Variants in LRRFIP1 observed in about 807,000 individuals in gnomAD.
LRRFIP1 encodes the protein LRR binding FLII interacting protein 1, also known as leucine-rich repeat flightless-interacting protein 1.
LRRFIP1 carries 62 observed loss-of-function variants against 104.4 expected under a neutral mutation model. The ratio of observed to expected loss-of-function variants is 0.59; its 90% CI spans 0.48 to 0.73. The LOEUF (loss-of-function observed/expected upper bound fraction) is 0.73. Among genes scored for constraint, LRRFIP1 ranks in the 30% least tolerant of loss-of-function variants. LRRFIP1 has a pLI of 0.00. For missense variants in LRRFIP1, 796 were observed against 824.5 expected, an observed-to-expected ratio of 0.97 and a Z score of 0.42; for synonymous variants, 300 against 299.0, an observed-to-expected ratio of 1.00 and a Z score of -0.03.
intron 2 of LRRFIP1, 45 bp downstream of exon 2, chr2:237,708,675 G>C (rs540806655): frequency 1.9e-6 from 3 of 1,555,170 alleles, no homozygotes; most frequent in Non-Finnish European, 2.6e-6. Context: ...AGTGATTTGC[G>C]TGCTGGGCCC....
intron 1 of LRRFIP1, among the ~76,000 whole-genome samples, chr2:237,667,761 T>G (rs2089672464): frequency 6.6e-6 from 1 of 152,140 alleles, no homozygotes; most frequent in South Asian, 2.1e-4. Flanking sequence ...GATCCTGACG[T>G]GAAATGGCCT....
At chr2:237,704,285 T>G (rs2093695555) in intron 1 of LRRFIP1, among the ~76,000 whole-genome samples, 1 of 151,956 alleles carries the variant, frequency 6.6e-6, no homozygotes, top group African/African-American at 2.4e-5. Flanking sequence ...CCCGAGTAGC[T>G]GGGATTACAG....
chr2:237,763,936 C>T lies in LRRFIP1; in HGVS notation c.1459+3731C>T, dbSNP rs536325665. On this transcript the variant is annotated intron_variant, in intron 19 of 23. Transcript: ENST00000308482. Reference sequence around the variant, plus strand: ...GTCCCTCACAGGACATTAGTGATGCCTGTGAAGCAGAAAGTACAGAGAGGT... The same window carrying T: ...GTCCCTCACAGGACATTAGTGATGCTTGTGAAGCAGAAAGTACAGAGAGGT... 4.3e-6 allele frequency: 7 copies of T among 1,614,216 alleles called. No individual in the cohort carries two copies. In the South Asian group the frequency reaches 7.7e-5, roughly 18 times the overall value.
chr2:237,681,697 T>TTTTTTTTTTTTTTTTA (rs1161155692), intron 1 of LRRFIP1, among the ~76,000 whole-genome samples: 3 of 107,928 alleles, frequency 2.8e-5, no homozygotes, highest in Non-Finnish European at 2.0e-5. Flanking sequence ...TTTTTTTTTT[T>TTTTTTTTTTTTTTTTA]GAGACGGAGT....
intron 23 of LRRFIP1, 81 bp downstream of exon 23, chr2:237,774,543 C>T (rs2060920703): frequency 2.3e-6 from 2 of 872,838 alleles, no homozygotes; most frequent in African/African-American, 3.4e-5. Flanking sequence ...GGATTTACTA[C>T]TGTGACATCT....
chr2:237,772,222 A>T, intron 21 of LRRFIP1, 24 bp downstream of exon 21: 2 of 1,563,766 alleles, frequency 1.3e-6, no homozygotes, highest in Non-Finnish European at 1.8e-6. Context: ...CTTGTGTAGA[A>T]GTAAATGCTT....
At chr2:237,696,264 C>A (rs2093178186) in intron 1 of LRRFIP1, among the ~76,000 whole-genome samples, 1 of 152,102 alleles carries the variant, frequency 6.6e-6, no homozygotes, top group Non-Finnish European at 1.5e-5. Context: ...ATCCTTCTGT[C>A]TTTTTTACTG....
chr2:237,711,671 C>T lies in LRRFIP1; in HGVS notation c.184-2588C>T, dbSNP rs978766924. On this transcript the variant is annotated intron_variant, in intron 2 of 23. Coordinates refer to ENST00000308482, the MANE Select transcript of LRRFIP1 (RefSeq NM_001137550.2). This position sits in a 1 kb window ranked among gnomAD's most constrained non-coding sequence, Gnocchi z 4.4. ...GGTCACGGACCAGGAGCCAGAGCCA[C>T]CCAAATTTACCAGGTTGTGGAATGA... Among the ~76,000 whole-genome samples the T allele has an allele frequency of 1.5e-4, 23 of 152,122 alleles. No homozygotes were observed. Among genetic ancestry groups the T allele is most frequent in the African/African-American group, 4.6e-4 (19 of 41,416 alleles).
chr2:237,759,916 G>A (rs149989541), intron 18 of LRRFIP1, 148 bp from the exon 19 acceptor site: 190 of 633,180 alleles, frequency 3.0e-4, no homozygotes, highest in Admixed American at 9.7e-4. Context: ...GAATATTTAC[G>A]AGTGCTGCAC....
At position 237,735,487 on chromosome 2, in the gene LRRFIP1, G is replaced by A; in HGVS notation, c.555+154G>A. 2 of 637,232 alleles carry A rather than the reference G, an allele frequency of 3.1e-6. No homozygotes were observed. Among genetic ancestry groups the A allele is most frequent in the South Asian group, 4.1e-5 (2 of 49,266 alleles). 39.5% of individuals were successfully genotyped at this position (637,232 alleles called of 1,614,324 possible). A position where few individuals can be genotyped will look rare whatever the true frequency, so the allele number is the denominator to read the frequency against. On this transcript the variant is annotated intron_variant, in intron 10 of 23. Transcript: ENST00000308482. The surrounding 1 kb of genome is among the most constrained non-coding windows in gnomAD (Gnocchi z 4.6). ...AACCGCCACCTTCCATTGTAATGAA[G>A]GTCACAAATAATGTGAATCAGGAAA...
intron 8 of LRRFIP1, among the ~76,000 whole-genome samples, chr2:237,731,747 G>C (rs946433011): frequency 4.6e-5 from 7 of 152,190 alleles, no homozygotes; most frequent in African/African-American, 1.2e-4. Context: ...AGTTCAGCCT[G>C]CATCTGACTC....
rs2061364262 is a variant in LRRFIP1, at chr2:237,779,433, A to G, written c.1824A>G (p.Ala608=). 6.2e-7 allele frequency: 1 copy of G among 1,613,452 alleles called. No homozygotes were observed. ...KRKLQRELRS[A]LDKTEELEVS... ...TCCTCCGTTCCCAGCTCCGCTCTGC[A>G]TTGGATAAAACAGAAGAGCTCGAGG... The change falls in exon 24 of 24, where the codon GCA becomes GCG. Residue 608 remains alanine (A), a synonymous_variant. Transcript: ENST00000308482.
At position 237,779,785 on chromosome 2, in the gene LRRFIP1, A is replaced by C; in HGVS notation, c.*253A>C. On this transcript the variant is annotated 3_prime_UTR_variant, in exon 24 of 24. Coordinates refer to ENST00000308482, the MANE Select transcript of LRRFIP1 (RefSeq NM_001137550.2). The stretch of plus-strand genomic sequence containing the variant: ...GAACCTGCAGGTACTTCATAAGCAC[A>C]CAGGGGCCTCGAGGGAGCTCTGTGT... The C allele has an allele frequency of 2.9e-6, 1 of 339,256 alleles. No homozygotes were observed. Among genetic ancestry groups the C allele is most frequent in the Non-Finnish European group, 5.6e-6 (1 of 177,852 alleles). The allele number at this position is 339,256 out of a possible 1,614,324, so 21.0% of individuals were successfully genotyped here.
intron 3 of LRRFIP1, among the ~76,000 whole-genome samples, 190 bp downstream of exon 3, chr2:237,714,466 ACAGT>A (rs961114959): frequency 2.6e-5 from 4 of 152,240 alleles, no homozygotes; most frequent in Admixed American, 2.6e-4. Context: ...ACTCAAAGCA[ACAGT>A]CAGACACATT....
intron 1 of LRRFIP1, among the ~76,000 whole-genome samples, chr2:237,673,300 G>A (rs1393919901): frequency 6.6e-6 from 1 of 152,258 alleles, no homozygotes; most frequent in Non-Finnish European, 1.5e-5. Flanking sequence ...CGCTGGGAGG[G>A]CCCGCAGGCA....
Position 237,719,585 on chromosome 2 carries a change from T to G in LRRFIP1, c.294+18T>G, listed in dbSNP as rs957181057. The G allele has an allele frequency of 6.2e-7, 1 of 1,600,892 alleles. No individual in the cohort carries two copies. The highest frequency in any genetic ancestry group is 8.5e-7 in the Non-Finnish European group (1 of 1,169,694). Reference sequence around the variant, plus strand: ...ACACATCGGTTAGTACCGTGTTCATTCATTACTTGGGCAATTTGATTGAAT... The same window carrying G: ...ACACATCGGTTAGTACCGTGTTCATGCATTACTTGGGCAATTTGATTGAAT... On this transcript the variant is annotated intron_variant, in intron 5 of 23. Coordinates refer to ENST00000308482, the MANE Select transcript of LRRFIP1 (RefSeq NM_001137550.2).
intron 1 of LRRFIP1, among the ~76,000 whole-genome samples, chr2:237,699,574 A>G (rs975564289): frequency 6.6e-6 from 1 of 151,266 alleles, no homozygotes; most frequent in Non-Finnish European, 1.5e-5. Flanking sequence ...CTGGTCTTGA[A>G]CTCCTGACCT....
In LRRFIP1 at chr2:237,780,357, T is replaced by G. The variant is rs2061406390; in HGVS notation, c.*825T>G. The G allele has an allele frequency of 6.6e-6, 1 of 152,216 alleles. No homozygotes were observed. Among genetic ancestry groups the G allele is most frequent in the Admixed American group, 6.5e-5 (1 of 15,286 alleles). The allele number at this position is 152,216 out of a possible 1,614,324, so 9.4% of individuals were successfully genotyped here. On this transcript the variant is annotated 3_prime_UTR_variant, in exon 24 of 24. Transcript: ENST00000308482. ...TTTTTTCCACTGAGAAAGAAGATCT[T>G]TAATTTCATATTAATGGTTCTGTAT... is the stretch of plus-strand genomic sequence containing the variant.
At chr2:237,713,886 TTAAG>T (rs1430091733) in intron 2 of LRRFIP1, among the ~76,000 whole-genome samples, 1 of 152,258 alleles carries the variant, frequency 6.6e-6, no homozygotes, top group East Asian at 1.9e-4. Context: ...AACTTTCCAA[TTAAG>T]TTTCTGTACT....
Sources: gnomAD v4.1 joint callset for allele counts (sites outside exome capture counted in the v4.1 genomes callset) on GRCh38, gnomAD v4.1.1 for gene constraint, Gnocchi (gnomAD v3.1) non-coding constraint, MANE v1.5 for transcripts, NCBI Gene and HGNC (gene_info 2026-07-23, HGNC 2026-07-21) for gene names.